The following SNX30 variants were observed in gnomAD, a reference collection of about 807,000 sequenced individuals.
The protein encoded by SNX30 is sorting nexin family member 30.
Under a neutral mutation model 46.4 loss-of-function variants are expected in SNX30, and 24 were observed. That is an observed-to-expected ratio of 0.52 (90% confidence interval 0.37 to 0.73). The LOEUF (loss-of-function observed/expected upper bound fraction) is 0.73, where lower values mean the gene tolerates loss of function less well. Among genes scored for constraint, SNX30 ranks in the 30% least tolerant of loss-of-function variants. The pLI, the probability that SNX30 is intolerant of heterozygous loss-of-function variation, is 0.00. For missense variants in SNX30, 533 were observed against 555.7 expected (o/e 0.96, Z 0.41); for synonymous variants, 189 against 211.5 (o/e 0.89, Z 0.92).
chr9:112,805,658 A>G (rs1840214166), intron 2 of SNX30, among the ~76,000 whole-genome samples: 2 of 152,216 alleles, frequency 1.3e-5, no homozygotes, highest in Admixed American at 1.3e-4. Context: ...TAGTAGAGAC[A>G]GGGTTTCACC....
chr9:112,824,530 GTT>G (rs11458353), intron 3 of SNX30, among the ~76,000 whole-genome samples: 2 of 143,514 alleles, frequency 1.4e-5, no homozygotes, highest in Non-Finnish European at 1.5e-5. Context: ...ACACCCAGGT[GTT>G]TTTTTTTTTT....
chr9:112,821,306 A>G (rs985812132), intron 3 of SNX30, among the ~76,000 whole-genome samples: 6 of 152,124 alleles, frequency 3.9e-5, no homozygotes, highest in Admixed American at 2.0e-4. Context: ...GCATTTGCAT[A>G]TCTTCCTTGG....
At chr9:112,855,270 C>G (rs1841103518) in intron 7 of SNX30, among the ~76,000 whole-genome samples, 1 of 152,050 alleles carries the variant, frequency 6.6e-6, no homozygotes, top group Non-Finnish European at 1.5e-5. Context: ...CTGATTCTAT[C>G]CCAGGGCCTC....
chr9:112,814,199 G>T (rs916214606), intron 2 of SNX30, among the ~76,000 whole-genome samples: 1 of 152,100 alleles, frequency 6.6e-6, no homozygotes, highest in African/African-American at 2.4e-5. Flanking sequence ...TGGTAATAAA[G>T]AACTTACACA....
intron 3 of SNX30, among the ~76,000 whole-genome samples, chr9:112,822,541 G>GTTTTTTT (rs386415935): frequency 1.5e-5 from 2 of 131,806 alleles, no homozygotes; most frequent in Non-Finnish European, 3.2e-5. Context: ...GTTTTGTTTT[G>GTTTTTTT]TTTTTTTTTT....
At chr9:112,791,297 A>G (rs944203534) in intron 1 of SNX30, among the ~76,000 whole-genome samples, 1 of 150,142 alleles carries the variant, frequency 6.7e-6, no homozygotes, top group Non-Finnish European at 1.5e-5. Flanking sequence ...ATGGAATTAT[A>G]TAGCATGTGG....
chr9:112,794,114 A>G lies in SNX30; in HGVS notation c.157-10662A>G, dbSNP rs74307742. Among the ~76,000 whole-genome samples, 52 of 152,188 alleles carry G rather than the reference A, an allele frequency of 3.4e-4. 1 individual carries two copies. In the East Asian group the frequency reaches 8.9e-3, roughly 26 times the overall value. On this transcript the variant is annotated intron_variant, in intron 1 of 8. Transcript: ENST00000374232. The stretch of plus-strand genomic sequence containing the variant: ...CTTTAGTTTTACAACAAAATCAACA[A>G]TCAAGAATATTCAGTTTGTATAGAA...
chr9:112,842,033 T>C (rs1201682429), intron 6 of SNX30, among the ~76,000 whole-genome samples: 1 of 152,182 alleles, frequency 6.6e-6, no homozygotes, highest in African/African-American at 2.4e-5. Flanking sequence ...AACCTCCACC[T>C]CCCGGGTTCA....
In SNX30 at chr9:112,830,788, A is replaced by C. The variant is rs764626128; in HGVS notation, c.523A>C (p.Thr175Pro). The change falls in exon 4 of 9, where the codon ACC (threonine) becomes CCC (proline). Residue 175 changes from threonine to proline, a missense_variant. By Grantham distance (38) the Thr-to-Pro change is conservative. This residue lies in a region of SNX30 where 81 missense variants were observed against 124.4 expected (regional missense o/e 0.65). Transcript: ENST00000374232. ...TCGTTTTTCAGAAGAGTTTGTGGAG[A>C]CCAGAAGAAAAGCTTTGGATAAATT... The part of the protein sequence containing the change: ...VDRFSEEFVE[T>P]RRKALDKFLK... 1 of 1,614,042 alleles carries C rather than the reference A, an allele frequency of 6.2e-7. No homozygotes were observed. The highest frequency in any genetic ancestry group is 8.5e-7 in the Non-Finnish European group (1 of 1,180,002).
At chr9:112,861,089 G>T (rs556821897) in intron 7 of SNX30, among the ~76,000 whole-genome samples, 1 of 152,330 alleles carries the variant, frequency 6.6e-6, no homozygotes, top group East Asian at 1.9e-4. Flanking sequence ...CAGAAACAAA[G>T]GCTTGCTGGG....
chr9:112,877,216 C>G (rs563481583), downstream of SNX30: 1 of 152,250 alleles, frequency 6.6e-6, no homozygotes, highest in Non-Finnish European at 1.5e-5. Context: ...AAACTCCTAC[C>G]CTGGTGACAG....
At chr9:112,808,118 C>T (rs911948210) in intron 2 of SNX30, among the ~76,000 whole-genome samples, 4 of 152,048 alleles carry the variant, frequency 2.6e-5, no homozygotes, top group African/African-American at 7.2e-5. Context: ...TGACGGATAT[C>T]GTAGGGGTGT....
chr9:112,818,497 C>T (rs1408451713), intron 3 of SNX30, among the ~76,000 whole-genome samples: 2 of 152,080 alleles, frequency 1.3e-5, no homozygotes, highest in East Asian at 1.9e-4. Context: ...CCCAAAGTGC[C>T]GGGATTACGG....
downstream of SNX30, among the ~76,000 whole-genome samples, chr9:112,882,107 T>C (rs758305063): frequency 1.8e-4 from 27 of 152,078 alleles, no homozygotes; most frequent in Non-Finnish European, 3.2e-4. Flanking sequence ...TTGTTGTTGT[T>C]GTTTTTGTTT....
At chr9:112,842,380 GTGTT>G (rs1293673835) in intron 6 of SNX30, among the ~76,000 whole-genome samples, 1 of 152,212 alleles carries the variant, frequency 6.6e-6, no homozygotes, top group Non-Finnish European at 1.5e-5. Context: ...CTAATGGTGA[GTGTT>G]TGTCCTCATC....
intron 1 of SNX30, among the ~76,000 whole-genome samples, chr9:112,804,170 GT>G (rs971194918): frequency 5.9e-4 from 84 of 141,716 alleles, no homozygotes; most frequent in Admixed American, 7.8e-4. Flanking sequence ...GCAGAGGTTT[GT>G]TTTTTTTTTT....
upstream of SNX30, chr9:112,750,374 C>A (rs1478914263): frequency 6.6e-6 from 1 of 152,208 alleles, no homozygotes; most frequent in Non-Finnish European, 1.5e-5. Context: ...TCTTCCTGCG[C>A]GTGCCTTAGA....
intron 1 of SNX30, among the ~76,000 whole-genome samples, chr9:112,798,153 G>A (rs1472691261): frequency 6.2e-5 from 3 of 48,432 alleles, no homozygotes; most frequent in African/African-American, 2.5e-4. Context: ...TATACTCTAA[G>A]TTTTAGGGTA....
chr9:112,791,301 C>T (rs1840016172), intron 1 of SNX30, among the ~76,000 whole-genome samples: 1 of 149,928 alleles, frequency 6.7e-6, no homozygotes, highest in South Asian at 2.1e-4. Context: ...AATTATATAG[C>T]ATGTGGCTTT....
Sources: gnomAD v4.1 joint callset for allele counts (sites outside exome capture counted in the v4.1 genomes callset) on GRCh38, gnomAD v4.1.1 for gene constraint, gnomAD v4.1.1 regional missense constraint, MANE v1.5 for transcripts, NCBI Gene and HGNC (gene_info 2026-07-23, HGNC 2026-07-21) for gene names.